The following MPEG1 variants were observed in gnomAD, a reference collection of about 807,000 sequenced individuals.
The protein encoded by MPEG1 is macrophage expressed 1, also known as macrophage-expressed gene 1 protein.
For missense variants in MPEG1, 876 were observed against 880.3 expected (o/e 1.00, Z 0.06); for synonymous variants, 365 against 351.9 (o/e 1.04, Z -0.42).
In MPEG1 at chr11:59,212,033, A is replaced by G. The variant is rs757528495; in HGVS notation, c.833T>C (p.Ile278Thr). The change falls in exon 1 of 1, where the codon ATT (isoleucine) becomes ACT (threonine). Residue 278 changes from isoleucine to threonine, a missense_variant. Coordinates refer to ENST00000361050, the MANE Select transcript of MPEG1 (RefSeq NM_001039396.2). ...GCCTGGGTAAAAAGGAACCCCTCCA[A>G]TGCTCTGCACCCTGGAGTTGGTTCG... ...SNRTNSRVQS[I>T]GGVPFYPGIT... 1.6e-5 allele frequency: 26 copies of G among 1,611,254 alleles called. No individual in the cohort carries two copies. In the Admixed American group the frequency reaches 3.5e-4, roughly 22 times the overall value.
rs756758126 is a variant in MPEG1, at chr11:59,210,982, G to A, written c.1884C>T (p.His628=). The change falls in exon 1 of 1, where the codon CAC becomes CAT. Residue 628 remains histidine, a synonymous_variant. Transcript: ENST00000361050. The stretch of plus-strand genomic sequence containing the variant: ...CTATCGGTTCTCCCAGCCTCCACTG[G>A]TGGGTCTGGGAGTCTTTAATCCAGG... ...ARSWIKDSQT[H]QWRLGEPIEL... is the part of the protein sequence containing the mutation. The A allele has an allele frequency of 1.2e-6, 2 of 1,614,028 alleles. No homozygotes were observed. The highest frequency in any genetic ancestry group is 2.7e-5 in the African/African-American group (2 of 74,900).
In MPEG1 at chr11:59,211,255, C is replaced by G. The variant is rs1317078843; in HGVS notation, c.1611G>C (p.Gly537=). The change falls in exon 1 of 1, where the codon GGG becomes GGC. Residue 537 remains glycine (G), a synonymous_variant. Coordinates refer to ENST00000361050, the MANE Select transcript of MPEG1 (RefSeq NM_001039396.2). The stretch of plus-strand genomic sequence containing the variant: ...ATATAGCAGGATCTACCAGGGGGTT[C>G]CCAACTGTGCAGCTAAAGAACCCGC... ...PFGGFFSCTV[G]NPLVDPAISR... is the part of the protein sequence containing the mutation. 6.2e-7 allele frequency: 1 copy of G among 1,614,030 alleles called. No homozygotes were observed. Among genetic ancestry groups the G allele is most frequent in the African/African-American group, 1.3e-5 (1 of 74,908 alleles).
rs201984349 is a variant in MPEG1 at position 59,212,289 on chromosome 11, G to T, written c.577C>A (p.Leu193Met). The T allele has an allele frequency of 5.6e-6, 9 of 1,613,892 alleles. No individual in the cohort carries two copies. Among genetic ancestry groups the T allele is most frequent in the Non-Finnish European group, 6.8e-6 (8 of 1,180,018 alleles). ...TAGTTGAGCACCAGGAGTTCTGCCAGGTAGGTGGCCATCCTCGTCTGGTTG... is the reference window on the plus strand; with the variant it reads ...TAGTTGAGCACCAGGAGTTCTGCCATGTAGGTGGCCATCCTCGTCTGGTTG... ...ENNQTRMATY[L>M]AELLVLNYGT... Residue 193 changes from leucine (L) to methionine (M), a missense_variant, in exon 1 of 1, where the codon CTG becomes ATG. Leu to Met is a conservative substitution (Grantham distance 15). Transcript: ENST00000361050.
chr11:59,212,086 A>G lies in MPEG1; in HGVS notation c.780T>C (p.Asn260=). The change falls in exon 1 of 1, where the codon AAT becomes AAC. Residue 260 remains asparagine (N), a synonymous_variant. Coordinates refer to ENST00000361050, the MANE Select transcript of MPEG1 (RefSeq NM_001039396.2). ...FKFEENYTSQ[N]VLTKSYLSNR... ...TTGAGAGGTAGCTCTTGGTGAGGAC[A>G]TTCTGCGAGGTATAGTTTTCCTCAA... is the stretch of plus-strand genomic sequence containing the variant. 1 of 1,614,016 alleles carries G rather than the reference A, an allele frequency of 6.2e-7. No homozygotes were observed. The highest frequency in any genetic ancestry group is 1.3e-5 in the African/African-American group (1 of 75,030).
At position 59,212,256 on chromosome 11, in the gene MPEG1, G is replaced by C; in HGVS notation, c.610C>G (p.His204Asp). Residue 204 changes from histidine to aspartate, a missense_variant, in exon 1 of 1, where the codon CAC (histidine) becomes GAC (aspartate). By Grantham distance (81) the His-to-Asp change is moderately conservative. Transcript: ENST00000361050. The part of the protein sequence containing the change: ...AELLVLNYGT[H>D]VTTSVDAGAA... ...CCAGCGTCGACACTGGTGGTGACGT[G>C]GGTGCCATAGTTGAGCACCAGGAGT... 6.2e-7 allele frequency: 1 copy of C among 1,613,800 alleles called. No homozygotes were observed. Among genetic ancestry groups the C allele is most frequent in the Non-Finnish European group, 8.5e-7 (1 of 1,180,024 alleles).
rs993010108 is a variant in MPEG1 at position 59,210,045 on chromosome 11, T to G, written c.*670A>C. On this transcript the variant is annotated 3_prime_UTR_variant, in exon 1 of 1. Transcript: ENST00000361050. ...CTTAATAACTTAAAATAACTTAAAA[T>G]ATTTTCTGAGGACTTGATGACACCA... 1 of 152,174 alleles carries G rather than the reference T, an allele frequency of 6.6e-6. No individual in the cohort carries two copies. The highest frequency in any genetic ancestry group is 2.4e-5 in the African/African-American group (1 of 41,402). The allele number at this position is 152,174 out of a possible 1,614,324, so 9.4% of individuals were successfully genotyped here.
chr11:59,210,610 G>C lies in MPEG1; in HGVS notation c.*105C>G. On this transcript the variant is annotated 3_prime_UTR_variant, in exon 1 of 1. Coordinates refer to ENST00000361050, the MANE Select transcript of MPEG1 (RefSeq NM_001039396.2). Reference sequence around the variant, plus strand: ...CCCAGAGACCTAAACAAGAAGTCACGAATATACCTACTTTTGGTTGCACTT... The same window carrying C: ...CCCAGAGACCTAAACAAGAAGTCACCAATATACCTACTTTTGGTTGCACTT... 9.8e-7 allele frequency: 1 copy of C among 1,022,928 alleles called. No homozygotes were observed. Among genetic ancestry groups the C allele is most frequent in the Admixed American group, 2.2e-5 (1 of 45,342 alleles). 63.4% of individuals were successfully genotyped at this position (1,022,928 alleles called of 1,614,324 possible).
At position 59,211,840 on chromosome 11, in the gene MPEG1, A is replaced by G. The variant is rs778184116; in HGVS notation, c.1026T>C (p.Tyr342=). The change falls in exon 1 of 1, where the codon TAT becomes TAC. Residue 342 remains tyrosine (Y), a synonymous_variant. Transcript: ENST00000361050. The stretch of plus-strand genomic sequence containing the variant: ...TGCAGCCAGGGTAGGTGTTGAATGT[A>G]TAATAGCGCTTCACAGCAGTTTCCA... ...KTVETAVKRY[Y]TFNTYPGCTD... The G allele has an allele frequency of 4.6e-5, 74 of 1,613,792 alleles. No individual in the cohort carries two copies. The highest frequency in any genetic ancestry group is 6.7e-5 in the East Asian group (3 of 44,882).
Position 59,212,911 on chromosome 11 carries a change from C to A in MPEG1, c.-46G>T, listed in dbSNP as rs1419870441. ...CTCACCAGCCCTACACAGCGGCCAGCAAGCTTTGGGCAAACTAAGATGGAG... is the reference window on the plus strand; with the variant it reads ...CTCACCAGCCCTACACAGCGGCCAGAAAGCTTTGGGCAAACTAAGATGGAG... On this transcript the variant is annotated 5_prime_UTR_variant, in exon 1 of 1. Coordinates refer to ENST00000361050, the MANE Select transcript of MPEG1 (RefSeq NM_001039396.2). 1.3e-6 allele frequency: 2 copies of A among 1,538,834 alleles called. No homozygotes were observed. The highest frequency in any genetic ancestry group is 1.4e-5 in the African/African-American group (1 of 73,068).
At position 59,209,252 on chromosome 11, in the gene MPEG1, A is replaced by G. The variant is rs538137300; in HGVS notation, c.*1463T>C. 7 of 152,304 alleles carry G rather than the reference A, an allele frequency of 4.6e-5. No individual in the cohort carries two copies. The highest frequency in any genetic ancestry group is 4.1e-4 in the South Asian group (2 of 4,830). 9.4% of individuals were successfully genotyped at this position (152,304 alleles called of 1,614,324 possible). A position where few individuals can be genotyped will look rare whatever the true frequency, so the allele number is the denominator to read the frequency against. ...CCTTCCCACACACTGTGATACTTCA[A>G]ACTCCTTGGGTGAAGGGCCTCTTCT... On this transcript the variant is annotated 3_prime_UTR_variant, in exon 1 of 1. Coordinates refer to ENST00000361050, the MANE Select transcript of MPEG1 (RefSeq NM_001039396.2).
chr11:59,210,552 A>T lies in MPEG1; in HGVS notation c.*163T>A, dbSNP rs1862874968. ...CCAACTGTTCCCTCTCCCCAATCCC[A>T]ACCTTATCCATGTAACAGTATGAAT... On this transcript the variant is annotated 3_prime_UTR_variant, in exon 1 of 1. Transcript: ENST00000361050. The T allele has an allele frequency of 1.5e-6, 1 of 656,708 alleles. No homozygotes were observed. The highest frequency in any genetic ancestry group is 2.0e-5 in the South Asian group (1 of 50,178). The allele number at this position is 656,708 out of a possible 1,614,324, so 40.7% of individuals were successfully genotyped here.
rs1323940059 is a variant in MPEG1, at chr11:59,209,409, T to C, written c.*1306A>G. 6.6e-6 allele frequency: 1 copy of C among 152,128 alleles called. No homozygotes were observed. The highest frequency in any genetic ancestry group is 1.5e-5 in the Non-Finnish European group (1 of 68,026). The allele number at this position is 152,128 out of a possible 1,614,324, so 9.4% of individuals were successfully genotyped here. ...AAATATTGTAGGGGGATCATGAAAG[T>C]AGTGGAGGTAATTACAATCAGGAGA... On this transcript the variant is annotated 3_prime_UTR_variant, in exon 1 of 1. Transcript: ENST00000361050.
chr11:59,211,520 C>T lies in MPEG1; in HGVS notation c.1346G>A (p.Cys449Tyr). The T allele has an allele frequency of 6.2e-7, 1 of 1,614,204 alleles. No individual in the cohort carries two copies. ...CTLLVFCKTV[C>Y]EDVFQVAKAE... Reference sequence around the variant, plus strand: ...TTTTGCCACCTGGAACACATCTTCACACACGGTCTTGCAGAAGACGAGGAG... The same window carrying T: ...TTTTGCCACCTGGAACACATCTTCATACACGGTCTTGCAGAAGACGAGGAG... Residue 449 changes from cysteine to tyrosine, a missense_variant, in exon 1 of 1, where the codon TGT becomes TAT. By Grantham distance (194) the Cys-to-Tyr change is radical. Coordinates refer to ENST00000361050, the MANE Select transcript of MPEG1 (RefSeq NM_001039396.2).
Position 59,212,781 on chromosome 11 carries a change from C to G in MPEG1, c.85G>C (p.Val29Leu). ...GCATTCTTGCATTTTTGAACTCCAA[C>G]TTCGTCCATCTCTCCCGAAGGCTTG... is the stretch of plus-strand genomic sequence containing the variant. ...SGKPSGEMDEVGVQKCKNALK... is the reference protein window; with the variant it reads ...SGKPSGEMDELGVQKCKNALK... Residue 29 changes from valine to leucine, a missense_variant, in exon 1 of 1, where the codon GTT becomes CTT. Coordinates refer to ENST00000361050, the MANE Select transcript of MPEG1 (RefSeq NM_001039396.2). 3 of 1,614,236 alleles carry G rather than the reference C, an allele frequency of 1.9e-6. No homozygotes were observed. The highest frequency in any genetic ancestry group is 2.5e-6 in the Non-Finnish European group (3 of 1,180,052).
chr11:59,212,155 G>A lies in MPEG1; in HGVS notation c.711C>T (p.Thr237=), dbSNP rs781034009. 3.7e-6 allele frequency: 6 copies of A among 1,614,010 alleles called. No homozygotes were observed. The African/African-American group carries it at 5.3e-5, about 14-fold the overall frequency. ...TTTGAAAGGCAAGTCCAGCAGAGGC[G>A]GTCACGGCACTACGACTGCTCTGGC... ...QDSQSSRSAV[T]ASAGLAFQNT... The change falls in exon 1 of 1, where the codon ACC becomes ACT. Residue 237 remains threonine, a synonymous_variant. Transcript: ENST00000361050.
rs1027526427 is a variant in MPEG1, at chr11:59,210,908, G to A, written c.1958C>T (p.Ser653Leu). 6.2e-7 allele frequency: 1 copy of A among 1,614,132 alleles called. No homozygotes were observed. The highest frequency in any genetic ancestry group is 1.1e-5 in the South Asian group (1 of 91,078). ...TGTGACCCCAGCTGCAGCCCCTCCT[G>A]ACAGACCACCACCATCCCCATGGAT... ...NVIHGDGGGLSGGAAAGVTVG... is the reference protein window; with the variant it reads ...NVIHGDGGGLLGGAAAGVTVG... The change falls in exon 1 of 1, where the codon TCA (serine) becomes TTA (leucine). Residue 653 changes from serine to leucine, a missense_variant. Transcript: ENST00000361050.
Position 59,209,684 on chromosome 11 carries a change from G to A in MPEG1, c.*1031C>T, listed in dbSNP as rs928348915. On this transcript the variant is annotated 3_prime_UTR_variant, in exon 1 of 1. Coordinates refer to ENST00000361050, the MANE Select transcript of MPEG1 (RefSeq NM_001039396.2). ...TCTACAGAGTAAGTAATACTCAAAT[G>A]TGGTCTTACTTTAACTTCTTGCCTT... The A allele has an allele frequency of 1.3e-5, 2 of 152,078 alleles. No homozygotes were observed. Among genetic ancestry groups the A allele is most frequent in the Non-Finnish European group, 2.9e-5 (2 of 68,046 alleles). The allele number at this position is 152,078 out of a possible 1,614,324, so 9.4% of individuals were successfully genotyped here.
Position 59,209,325 on chromosome 11 carries a change from T to C in MPEG1, c.*1390A>G, listed in dbSNP as rs1045507409. On this transcript the variant is annotated 3_prime_UTR_variant, in exon 1 of 1. Transcript: ENST00000361050. ...ACATTAACAAAGAGAACAGTCATCC[T>C]CCACAGAAGATAACTCATTAATGAC... 6 of 152,218 alleles carry C rather than the reference T, an allele frequency of 3.9e-5. No individual in the cohort carries two copies. Among genetic ancestry groups the C allele is most frequent in the Non-Finnish European group, 7.3e-5 (5 of 68,028 alleles). The allele number at this position is 152,218 out of a possible 1,614,324, so 9.4% of individuals were successfully genotyped here. A position where few individuals can be genotyped will look rare whatever the true frequency, so the allele number is the denominator to read the frequency against.
At position 59,212,437 on chromosome 11, in the gene MPEG1, G is replaced by T; in HGVS notation, c.429C>A (p.Asp143Glu). Residue 143 changes from aspartate (D) to glutamate (E), a missense_variant, in exon 1 of 1, where the codon GAC (aspartate) becomes GAA (glutamate). Physicochemically the swap from Asp to Glu is conservative, Grantham distance 45. Transcript: ENST00000361050. ...CCTGAACTCGGGTAGTTATAGCTTG[G>T]TCCTTCACTTGGAGGGTCTTCATCC... ...FQRMKTLQVK[D>E]QAITTRVQVR... 6.2e-7 allele frequency: 1 copy of T among 1,614,160 alleles called. No homozygotes were observed. The highest frequency in any genetic ancestry group is 8.5e-7 in the Non-Finnish European group (1 of 1,180,048).
Sources: allele counts gnomAD v4.1 joint callset, GRCh38; gene constraint gnomAD v4.1.1; transcripts MANE v1.5; gene names NCBI Gene and HGNC (gene_info 2026-07-23, HGNC 2026-07-21).